The following MYH11 variants were observed in gnomAD, a reference collection of about 807,000 sequenced individuals.
MYH11 encodes the protein myosin-11.
Under a neutral mutation model 246.6 loss-of-function variants are expected in MYH11, and 80 were observed. The observed-to-expected ratio is 0.32, with a 90% confidence interval of 0.27 to 0.39. The LOEUF is 0.39. MYH11 is among the 10% of genes least tolerant of loss of function. The pLI is 1.00. For synonymous variants in MYH11, 1,071 were observed against 1,015.5 expected, an observed-to-expected ratio of 1.05 and a Z score of -1.04; for missense variants, 2,158 against 2,546.8, an observed-to-expected ratio of 0.85 and a Z score of 3.29.
rs1218248522 is a variant in MYH11, at chr16:15,756,520, G to T, written c.1576-6C>A. 6.2e-7 allele frequency: 1 copy of T among 1,614,132 alleles called. No individual in the cohort carries two copies. The highest frequency in any genetic ancestry group is 2.2e-5 in the East Asian group (1 of 44,868). ...AGCACACCTGGAGGGTTGTTCTGTG[G>T]GAGACAAGTAGGGCTTGAATCAGAG... On this transcript the variant is annotated splice_region_variant and splice_polypyrimidine_tract_variant and intron_variant, in intron 13 of 40. Transcript: ENST00000300036.
At chr16:15,727,295 G>A (rs1276340608) in intron 27 of MYH11, among the ~76,000 whole-genome samples, 1 of 151,974 alleles carries the variant, frequency 6.6e-6, no homozygotes, top group Non-Finnish European at 1.5e-5. Context: ...CCGCCTCCCA[G>A]GTTCAAACTA....
At chr16:15,747,533 G>A (rs373250605) in intron 19 of MYH11, 37 bp downstream of exon 19, 16 of 1,613,572 alleles carry the variant, frequency 9.9e-6, no homozygotes, top group East Asian at 4.5e-5. Context: ...TTTGTGATTC[G>A]CGTTTGAGGT....
chr16:15,784,699 T>A (rs773969518), intron 5 of MYH11: 1 of 1,613,948 alleles, frequency 6.2e-7, no homozygotes, highest in Non-Finnish European at 8.5e-7. Context: ...GTTACTCACG[T>A]AGGCAAAAGA....
chr16:15,771,752 A>C, intron 8 of MYH11, 40 bp from the exon 9 acceptor site: 1 of 1,612,682 alleles, frequency 6.2e-7, no homozygotes, highest in Non-Finnish European at 8.5e-7. Context: ...AATAAGACAT[A>C]CTTCTAATTT....
intron 15 of MYH11, among the ~76,000 whole-genome samples, chr16:15,752,465 G>A (rs2041597521): frequency 6.6e-6 from 1 of 152,108 alleles, no homozygotes; most frequent in Non-Finnish European, 1.5e-5. Context: ...GGGAGCCGGA[G>A]TGTGGTCCCT....
intron 3 of MYH11, among the ~76,000 whole-genome samples, chr16:15,812,295 T>C (rs1261042546): frequency 1.3e-5 from 2 of 152,096 alleles, no homozygotes; most frequent in Non-Finnish European, 2.9e-5. Context: ...CTCTTGCGGC[T>C]AGCGTTGGAT....
intron 10 of MYH11, among the ~76,000 whole-genome samples, chr16:15,761,610 G>T (rs184693698): frequency 6.6e-6 from 1 of 152,330 alleles, no homozygotes; most frequent in East Asian, 1.9e-4. Flanking sequence ...CCGGGCTGAA[G>T]TGCAGTGGTG....
In MYH11 at chr16:15,838,265, G is replaced by T. The variant is rs767404390; in HGVS notation, c.-13C>A. On this transcript the variant is annotated 5_prime_UTR_variant, in exon 2 of 41. Transcript: ENST00000300036. ...CCTTCTGCGCCATGGTGCCTTGTTG[G>T]TCCCCTGTGGAATAAGGTAACAGGG... 4 of 1,612,972 alleles carry T rather than the reference G, an allele frequency of 2.5e-6. No homozygotes were observed. The highest frequency in any genetic ancestry group is 3.4e-6 in the Non-Finnish European group (4 of 1,179,354).
chr16:15,717,928 C>A, intron 37 of MYH11: 1 of 337,748 alleles, frequency 3.0e-6, no homozygotes. Context: ...CTGCAGGTTA[C>A]TGGATGGTCC....
chr16:15,720,027 C>T, intron 34 of MYH11, 124 bp downstream of exon 34: 2 of 1,354,890 alleles, frequency 1.5e-6, no homozygotes, highest in East Asian at 2.3e-5. Context: ...AGAAAAACCC[C>T]AGCTGAACCC....
intron 14 of MYH11, among the ~76,000 whole-genome samples, chr16:15,754,804 CAGT>C (rs2041668134): frequency 6.6e-6 from 1 of 152,210 alleles, no homozygotes; most frequent in South Asian, 2.1e-4. Context: ...GCTGAGGTTA[CAGT>C]TGTGTGCCTG....
In MYH11 at chr16:15,837,512, C is replaced by T. The variant is rs2043929366; in HGVS notation, c.345+396G>A. Among the ~76,000 whole-genome samples the T allele has an allele frequency of 1.3e-5, 2 of 150,198 alleles. 1 individual carries two copies. The highest frequency in any genetic ancestry group is 4.2e-4 in the South Asian group (2 of 4,772). On this transcript the variant is annotated intron_variant, in intron 2 of 40. Transcript: ENST00000300036. ...TTCCACCTCATCTTGCAATCTCCCT[C>T]GATCAAACCTTCAGCCTCCCATTTC...
At chr16:15,855,121 C>A (rs2044429746) in intron 1 of MYH11, among the ~76,000 whole-genome samples, 1 of 152,140 alleles carries the variant, frequency 6.6e-6, no homozygotes, top group Admixed American at 6.5e-5. Flanking sequence ...ATAACAGATA[C>A]CTTGTACGGA....
chr16:15,803,914 G>A lies in MYH11; in HGVS notation c.503-5227C>T, dbSNP rs1467116788. ...CATCAAAAACACACCACTTCCAGGC[G>A]TGGGAAGCTTGCAGGGTGCTGGTTA... On this transcript the variant is annotated intron_variant, in intron 3 of 40. Coordinates refer to ENST00000300036, the MANE Select transcript of MYH11 (RefSeq NM_002474.3). Among the ~76,000 whole-genome samples, 4 of 152,192 alleles carry A rather than the reference G, an allele frequency of 2.6e-5. No homozygotes were observed. The East Asian group carries it at 5.8e-4, about 22-fold the overall frequency.
chr16:15,763,738 A>AGCTCGGGGCCCCCCCCCCCCC, intron 10 of MYH11, 58 bp downstream of exon 10: 1 of 717,694 alleles, frequency 1.4e-6, no homozygotes, highest in Non-Finnish European at 2.6e-6. Context: ...GTTAAATGTC[A>AGCTCGGGGCCCCCCCCCCCCC]CCTCCCCCAC....
chr16:15,718,453 G>T lies in MYH11; in HGVS notation c.5172-15C>A. On this transcript the variant is annotated splice_polypyrimidine_tract_variant and intron_variant, in intron 36 of 40. Coordinates refer to ENST00000300036, the MANE Select transcript of MYH11 (RefSeq NM_002474.3). ...GGAGTGCGTTCCTGGGGGAAGGGCG[G>T]CCATGGTGGGGGCCTCTACCCTCCC... The T allele has an allele frequency of 6.5e-7, 1 of 1,547,132 alleles. No individual in the cohort carries two copies.
chr16:15,766,388 T>A lies in MYH11; in HGVS notation c.1034-2497A>T, dbSNP rs766527176. ...GTGTGTGTGTGTGTGTGTGTGTGTG[T>A]GAGACTGAGTCTTGCTGTCACCCAG... On this transcript the variant is annotated intron_variant, in intron 9 of 40. Transcript: ENST00000300036. Among the ~76,000 whole-genome samples the A allele has an allele frequency of 9.3e-3, 932 of 99,874 alleles. 3 individuals carry two copies. The highest frequency in any genetic ancestry group is 0.036 in the Middle Eastern group (6 of 168). 65.5% of individuals were successfully genotyped at this position (99,874 alleles called of 152,430 possible). A position where few individuals can be genotyped will look rare whatever the true frequency, so the allele number is the denominator to read the frequency against.
intron 40 of MYH11, chr16:15,714,295 T>TACC (rs898505336): frequency 3.2e-5 from 5 of 155,798 alleles, no homozygotes; most frequent in African/African-American, 9.6e-5. Context: ...GTGGCAGTCG[T>TACC]ACCCTCCCAT....
At chr16:15,725,141 AAAAAAAAACACACACACACAC>A in intron 28 of MYH11, 149 bp from the exon 29 acceptor site, 1 of 663,498 alleles carries the variant, frequency 1.5e-6, no homozygotes, top group Non-Finnish European at 2.6e-6. Context: ...TGATAAAAAA[AAAAAAAAACACACACACACAC>A]AAAAAAAACA....
Sources: gnomAD v4.1 joint callset for allele counts (sites outside exome capture counted in the v4.1 genomes callset) on GRCh38, gnomAD v4.1.1 for gene constraint, MANE v1.5 for transcripts, NCBI Gene and HGNC (gene_info 2026-07-23, HGNC 2026-07-21) for gene names.